Variants in RYR2 observed in about 807,000 individuals in gnomAD.
The protein encoded by RYR2 is cardiac muscle ryanodine receptor-calcium release channel.
In RYR2, 227 loss-of-function variants were observed where a neutral mutation model predicts 601.1. The ratio of observed to expected loss-of-function variants is 0.38; its 90% CI spans 0.34 to 0.42. The LOEUF (loss-of-function observed/expected upper bound fraction) is 0.42, where lower values mean the gene tolerates loss of function less well. Among genes scored for constraint, RYR2 ranks in the 10% least tolerant of loss-of-function variants. RYR2 has a pLI of 1.00. For missense variants in RYR2, 4,646 were observed against 6,156.5 expected (o/e 0.75, Z 8.21); for synonymous variants, 2,223 against 2,175.1 (o/e 1.02, Z -0.61).
At chr1:237,262,669 C>A (rs1353400734) in intron 1 of RYR2, among the ~76,000 whole-genome samples, 3 of 152,282 alleles carry the variant, frequency 2.0e-5, no homozygotes, top group East Asian at 1.9e-4. Flanking sequence ...TAGGTTTTCA[C>A]TAAAGCATTT....
rs1208349529 is a variant in RYR2 at position 237,614,305 on chromosome 1, T to C, written c.5177T>C (p.Ile1726Thr). Residue 1726 changes from isoleucine (I) to threonine (T), a missense_variant, in exon 37 of 105, where the codon ATT (isoleucine) becomes ACT (threonine). By Grantham distance (89) the Ile-to-Thr change is moderately conservative (BLOSUM62 -1). This residue lies in a region of RYR2 where 1,807 missense variants were observed against 2,088.1 expected (regional missense o/e 0.87). Coordinates refer to ENST00000366574, the MANE Select transcript of RYR2 (RefSeq NM_001035.3). This position sits in a 1 kb window ranked among gnomAD's most constrained non-coding sequence, Gnocchi z 4.3. ...TARLMMNNEY[I>T]VPMTEETKSI... ...AGGCTCATGATGAACAACGAGTACA[T>C]TGTCCCCATGACGGAGGAGACGAAG... 1 of 1,613,978 alleles carries C rather than the reference T, an allele frequency of 6.2e-7. No individual in the cohort carries two copies. Among genetic ancestry groups the C allele is most frequent in the Non-Finnish European group, 8.5e-7 (1 of 1,179,886 alleles).
At chr1:237,293,718 G>A (rs982913149) in intron 2 of RYR2, among the ~76,000 whole-genome samples, 2 of 152,170 alleles carry the variant, frequency 1.3e-5, no homozygotes, top group African/African-American at 4.8e-5. Flanking sequence ...GCCTAGGGCA[G>A]GAAATGTGGG....
intron 12 of RYR2, among the ~76,000 whole-genome samples, chr1:237,430,244 A>AAC: frequency 6.6e-6 from 1 of 151,148 alleles, no homozygotes; most frequent in Admixed American, 6.6e-5. Context: ...TTATATACAT[A>AAC]ATATATATTG....
In RYR2 at chr1:237,593,413, C is replaced by A. The variant is rs1466480280; in HGVS notation, c.4276-63C>A. On this transcript the variant is annotated intron_variant, in intron 32 of 104. Transcript: ENST00000366574. ...ACAGACTTAGACACAGTTAGGATTG[C>A]AAATCCAAGTTTTGTTTTGTTTAGT... 5 of 1,503,788 alleles carry A rather than the reference C, an allele frequency of 3.3e-6. No individual in the cohort carries two copies. The Admixed American group carries it at 1.0e-4, about 31-fold the overall frequency. The allele number at this position is 1,503,788 out of a possible 1,614,324, so 93.2% of individuals were successfully genotyped here.
intron 2 of RYR2, among the ~76,000 whole-genome samples, chr1:237,323,541 G>T (rs1695843405): frequency 1.3e-5 from 2 of 152,100 alleles, no homozygotes; most frequent in Admixed American, 6.5e-5. Flanking sequence ...TAAAATAATT[G>T]TAAAAATCAG....
intron 1 of RYR2, among the ~76,000 whole-genome samples, chr1:237,136,844 C>T (rs767330195): frequency 2.6e-5 from 4 of 151,738 alleles, no homozygotes; most frequent in Admixed American, 6.6e-5. Context: ...GGTGAAACCC[C>T]ATCTCTACTA....
Position 237,595,606 on chromosome 1 carries a change from C to T in RYR2, c.4545C>T (p.Ser1515=), listed in dbSNP as rs768227781. The change falls in exon 34 of 105, where the codon AGC becomes AGT. Residue 1515 remains serine (S), a synonymous_variant. Transcript: ENST00000366574. ...TTGGCTGTGTGGTGGATGCTGCCAG[C>T]GGGCTGCTCACATTCATTGCCAATG... ...LEIGCVVDAA[S]GLLTFIANGK... The T allele has an allele frequency of 1.2e-6, 2 of 1,613,184 alleles. No individual in the cohort carries two copies. Among genetic ancestry groups the T allele is most frequent in the East Asian group, 2.2e-5 (1 of 44,786 alleles).
At chr1:237,322,035 A>T (rs1028584194) in intron 2 of RYR2, among the ~76,000 whole-genome samples, 8 of 152,146 alleles carry the variant, frequency 5.3e-5, no homozygotes, top group Non-Finnish European at 8.8e-5. Context: ...ATTTAATTTT[A>T]TTAATTTTAT....
At chr1:237,298,659 T>C (rs1237065734) in intron 2 of RYR2, among the ~76,000 whole-genome samples, 1 of 152,078 alleles carries the variant, frequency 6.6e-6, no homozygotes, top group Non-Finnish European at 1.5e-5. Context: ...CTTTTTTATA[T>C]AAAATAATTT....
chr1:237,148,531 T>TATATATATATATATATATATACACAC (rs1674306813), intron 1 of RYR2, among the ~76,000 whole-genome samples: 1 of 77,576 alleles, frequency 1.3e-5, no homozygotes, highest in African/African-American at 6.3e-5. Flanking sequence ...AAAAAAAATA[T>TATATATATATATATATATATACACAC]ATATATATAT....
intron 1 of RYR2, among the ~76,000 whole-genome samples, chr1:237,080,610 C>T (rs1325500334): frequency 1.3e-5 from 1 of 74,180 alleles, no homozygotes; most frequent in African/African-American, 3.9e-5. Flanking sequence ...GAACGGCAGT[C>T]ATTAAAAAGT....
At chr1:237,048,556 C>T (rs188599801) in intron 1 of RYR2, among the ~76,000 whole-genome samples, 1 of 152,204 alleles carries the variant, frequency 6.6e-6, no homozygotes, top group Non-Finnish European at 1.5e-5. Flanking sequence ...CTCTACTTGG[C>T]CTTTTATGAT....
chr1:237,514,837 G>A (rs1666257828), intron 24 of RYR2, among the ~76,000 whole-genome samples: 1 of 152,286 alleles, frequency 6.6e-6, no homozygotes, highest in Admixed American at 6.5e-5. Context: ...CTAACTAATA[G>A]GATATTGATA....
intron 19 of RYR2, among the ~76,000 whole-genome samples, chr1:237,494,639 T>G (rs188448632): frequency 4.6e-5 from 7 of 152,188 alleles, no homozygotes; most frequent in African/African-American, 1.7e-4. Context: ...AATGAACACA[T>G]AAATAAATGA....
chr1:237,704,973 A>T (rs1688250538), intron 66 of RYR2, among the ~76,000 whole-genome samples: 1 of 152,202 alleles, frequency 6.6e-6, no homozygotes, highest in African/African-American at 2.4e-5. Context: ...GTCCAATCAG[A>T]TATGAGGAAA....
At chr1:237,094,675 T>C (rs1667325808) in intron 1 of RYR2, among the ~76,000 whole-genome samples, 1 of 152,162 alleles carries the variant, frequency 6.6e-6, no homozygotes, top group South Asian at 2.1e-4. Context: ...CACTGCAAGC[T>C]CCACCTCCTG....
chr1:237,698,900 G>A (rs1254711177), intron 63 of RYR2, 65 bp from the exon 64 acceptor site: 5 of 842,252 alleles, frequency 5.9e-6, no homozygotes, highest in Middle Eastern at 2.3e-4. Flanking sequence ...CACAAATATT[G>A]GTAGAAAAGA....
intron 29 of RYR2, 65 bp from the exon 30 acceptor site, chr1:237,589,728 A>G (rs1674937224): frequency 2.0e-6 from 3 of 1,486,920 alleles, no homozygotes; most frequent in East Asian, 2.3e-5. Flanking sequence ...AATATGTTTG[A>G]TAATTCTATA....
At chr1:237,827,115 T>A (rs1218163985) in intron 101 of RYR2, among the ~76,000 whole-genome samples, 1 of 152,224 alleles carries the variant, frequency 6.6e-6, no homozygotes, top group Non-Finnish European at 1.5e-5. Context: ...CACTATTTTT[T>A]AGTCAAATAC....
Sources: gnomAD v4.1 joint callset for allele counts (sites outside exome capture counted in the v4.1 genomes callset) on GRCh38, gnomAD v4.1.1 for gene constraint, gnomAD v4.1.1 regional missense constraint, Gnocchi (gnomAD v3.1) non-coding constraint, MANE v1.5 for transcripts, NCBI Gene and HGNC (gene_info 2026-07-23, HGNC 2026-07-21) for gene names.